The following SOX5 variants were observed in gnomAD, a reference collection of about 807,000 sequenced individuals.
SOX5 encodes the protein transcription factor SOX-5.
A neutral mutation model predicts 92.0 loss-of-function variants in SOX5; 9 were observed. That is an observed-to-expected ratio of 0.10 (90% confidence interval 0.06 to 0.17). SOX5 has a LOEUF of 0.17. Among genes scored for constraint, SOX5 ranks in the 10% least tolerant of loss-of-function variants. The pLI, the probability that SOX5 is intolerant of heterozygous loss-of-function variation, is 1.00. For missense variants in SOX5, 642 were observed against 944.5 expected (o/e 0.68, Z 4.20); for synonymous variants, 344 against 336.3 (o/e 1.02, Z -0.25).
chr12:24,024,713 G>A (rs943990995), intron 4 of SOX5, among the ~76,000 whole-genome samples: 1 of 151,990 alleles, frequency 6.6e-6, no homozygotes, highest in African/African-American at 2.4e-5. Context: ...AATCTATACT[G>A]TGTTAGCATT....
intron 1 of SOX5, among the ~76,000 whole-genome samples, chr12:24,477,334 AT>A (rs1945506916): frequency 6.6e-6 from 1 of 152,066 alleles, no homozygotes; most frequent in South Asian, 2.1e-4. Context: ...AGGTTTTGCC[AT>A]GTTGAACAGA....
intron 7 of SOX5, among the ~76,000 whole-genome samples, chr12:23,659,057 T>A (rs2082688283): frequency 6.6e-6 from 1 of 152,322 alleles, no homozygotes; most frequent in Non-Finnish European, 1.5e-5. Flanking sequence ...TGATGGTTTT[T>A]AGCTTGTGAT....
At chr12:24,240,259 C>T (rs1965315444) in intron 3 of SOX5, among the ~76,000 whole-genome samples, 1 of 152,164 alleles carries the variant, frequency 6.6e-6, no homozygotes, top group Admixed American at 6.5e-5. Flanking sequence ...TCAAAAGCAG[C>T]TAATCTTTGG....
intron 3 of SOX5, among the ~76,000 whole-genome samples, chr12:24,236,669 T>C (rs1407828746): frequency 6.6e-6 from 1 of 152,178 alleles, no homozygotes; most frequent in Non-Finnish European, 1.5e-5. Context: ...AGAAGCAGAG[T>C]TGAATTCAAA....
At chr12:24,053,401 A>G (rs933710265) in intron 4 of SOX5, among the ~76,000 whole-genome samples, 43 of 152,106 alleles carry the variant, frequency 2.8e-4, no homozygotes, top group African/African-American at 9.9e-4. Context: ...AAGTGCTGTG[A>G]TTATAGGCAT....
chr12:24,413,710 T>C (rs942503949), intron 1 of SOX5, among the ~76,000 whole-genome samples: 2 of 152,076 alleles, frequency 1.3e-5, no homozygotes, highest in Admixed American at 6.6e-5. Flanking sequence ...AGATAACAAA[T>C]AAATGGCCCA....
intron 1 of SOX5, among the ~76,000 whole-genome samples, chr12:24,555,602 G>A (rs766843010): frequency 6.9e-4 from 105 of 152,228 alleles, no homozygotes; most frequent in Non-Finnish European, 1.5e-3. Flanking sequence ...TGGACTTAGA[G>A]ATGATCTCGT....
At chr12:24,302,434 A>G (rs1338395332) in intron 2 of SOX5, among the ~76,000 whole-genome samples, 4 of 152,242 alleles carry the variant, frequency 2.6e-5, no homozygotes, top group Non-Finnish European at 5.9e-5. Context: ...TTCTAGGGAC[A>G]CTTTGTAAGT....
rs181997058 is a variant in SOX5, at chr12:23,618,473, A to G, written c.1018-13940T>C. On this transcript the variant is annotated intron_variant, in intron 8 of 14. Transcript: ENST00000451604. ...ATATAAAGACAATTTGAGTTATTTC[A>G]TATTAAATCAGACTACATATTATTT... is the stretch of plus-strand genomic sequence containing the variant. Among the ~76,000 whole-genome samples, 47 of 152,302 alleles carry G rather than the reference A, an allele frequency of 3.1e-4. No homozygotes were observed. In the East Asian group the frequency reaches 7.9e-3, roughly 26 times the overall value.
chr12:23,811,870 T>C (rs2095880469), intron 3 of SOX5, among the ~76,000 whole-genome samples: 1 of 152,118 alleles, frequency 6.6e-6, no homozygotes, highest in Admixed American at 6.5e-5. Flanking sequence ...CCAGAAAGTC[T>C]TCCTGAAACA....
upstream of SOX5, chr12:23,950,997 ACACACACT>A (rs1262709807): frequency 6.4e-6 from 5 of 779,496 alleles, no homozygotes; most frequent in African/African-American, 3.4e-5. Flanking sequence ...ACACACACAC[ACACACACT>A]CACTCACGCA....
intron 4 of SOX5, among the ~76,000 whole-genome samples, chr12:24,064,928 A>G (rs965797488): frequency 6.6e-6 from 1 of 152,234 alleles, no homozygotes; most frequent in Non-Finnish European, 1.5e-5. Context: ...TCAGCCAAAG[A>G]AAGTTTATAT....
At chr12:24,144,752 C>T (rs1344754029) in intron 4 of SOX5, among the ~76,000 whole-genome samples, 1 of 151,982 alleles carries the variant, frequency 6.6e-6, no homozygotes, top group Non-Finnish European at 1.5e-5. Context: ...TTGCTCGGGC[C>T]CAGGAGTTCA....
intron 3 of SOX5, among the ~76,000 whole-genome samples, chr12:23,832,957 A>G (rs1366999439): frequency 2.0e-5 from 3 of 152,008 alleles, no homozygotes; most frequent in East Asian, 1.9e-4. Context: ...ATGTTAAACT[A>G]TAATCACTTA....
chr12:23,540,488 G>GA (rs1285996020), intron 13 of SOX5, among the ~76,000 whole-genome samples: 2 of 151,922 alleles, frequency 1.3e-5, no homozygotes, highest in African/African-American at 2.4e-5. Flanking sequence ...CAAAATAGGG[G>GA]AAAAAATAAG....
chr12:23,759,862 T>C (rs2094516235), intron 3 of SOX5, among the ~76,000 whole-genome samples: 1 of 152,136 alleles, frequency 6.6e-6, no homozygotes. Context: ...AAGCATAGAA[T>C]CGTATTTTGT....
chr12:24,499,583 G>A (rs1212237386), intron 1 of SOX5, among the ~76,000 whole-genome samples: 2 of 152,190 alleles, frequency 1.3e-5, no homozygotes, highest in African/African-American at 2.4e-5. Context: ...TTCAACAACA[G>A]AAGGAAGAAT....
At chr12:23,640,976 TC>T in intron 7 of SOX5, 79 bp from the exon 8 acceptor site, 1 of 945,496 alleles carries the variant, frequency 1.1e-6, no homozygotes. Flanking sequence ...ATTCACTCTT[TC>T]CAAAAGCCTT....
At chr12:23,897,877 T>A (rs1437783243) in intron 1 of SOX5, among the ~76,000 whole-genome samples, 1 of 152,156 alleles carries the variant, frequency 6.6e-6, no homozygotes, top group East Asian at 1.9e-4. Context: ...AAAGGAGAAG[T>A]AGATTTGGAT....
Sources: allele counts gnomAD v4.1 joint callset (sites outside exome capture counted in the v4.1 genomes callset), GRCh38; gene constraint gnomAD v4.1.1; transcripts MANE v1.5; gene names NCBI Gene and HGNC (gene_info 2026-07-23, HGNC 2026-07-21).